The following ABCA6 variants were observed in gnomAD, a reference collection of about 807,000 sequenced individuals.
ABCA6 encodes ATP binding cassette subfamily A member 6, also known as ATP-binding cassette sub-family A member 6.
In ABCA6, 164 loss-of-function variants were observed where a neutral mutation model predicts 191.2. The observed-to-expected ratio is 0.86, with a 90% CI of 0.76 to 0.98. The LOEUF (loss-of-function observed/expected upper bound fraction) is 0.98. Among genes scored for constraint, ABCA6 ranks in the 50% least tolerant of loss-of-function variants. The pLI is 0.00. For synonymous variants in ABCA6, 636 were observed against 647.7 expected (o/e 0.98, Z 0.27); for missense variants, 1,958 against 1,894.1 (o/e 1.03, Z -0.63).
intron 2 of ABCA6, among the ~76,000 whole-genome samples, chr17:69,140,106 A>T (rs1363067606): frequency 6.6e-6 from 1 of 151,574 alleles, no homozygotes; most frequent in Admixed American, 6.6e-5. Flanking sequence ...ATAATAATAA[A>T]AAAATAAAAA....
At chr17:69,097,872 C>T (rs1420537853) in intron 23 of ABCA6, 48 bp downstream of exon 23, 2 of 1,332,842 alleles carry the variant, frequency 1.5e-6, no homozygotes, top group Non-Finnish European at 1.0e-6. Flanking sequence ...ATTCAAAATA[C>T]AGATATTGAA....
At chr17:69,084,584 AT>A in intron 32 of ABCA6, 77 bp from the exon 33 acceptor site, 1 of 1,252,498 alleles carries the variant, frequency 8.0e-7, no homozygotes, top group Non-Finnish European at 1.2e-6. Flanking sequence ...CAGTAACAGC[AT>A]TAGAGGGAAG....
At position 69,091,253 on chromosome 17, in the gene ABCA6, T is replaced by A. The variant is rs568291044; in HGVS notation, c.3418A>T (p.Ile1140Phe). ...TTGATTAAAGTGATGGAAAACATGA[T>A]GGTGGAGGCCTACAAGGCAAGTTCA... ...WSFYFFFAST[I>F]MFSITLINHF... is the part of the protein sequence containing the mutation. Residue 1140 changes from isoleucine to phenylalanine, a missense_variant, in exon 26 of 39, where the codon ATC becomes TTC. By Grantham distance (21) the Ile-to-Phe change is conservative. Coordinates refer to ENST00000284425, the MANE Select transcript of ABCA6 (RefSeq NM_080284.3). 6.2e-7 allele frequency: 1 copy of A among 1,611,040 alleles called. No homozygotes were observed. Among genetic ancestry groups the A allele is most frequent in the East Asian group, 2.2e-5 (1 of 44,820 alleles).
At chr17:69,140,119 A>T (rs1202997326) in intron 2 of ABCA6, among the ~76,000 whole-genome samples, 1 of 152,006 alleles carries the variant, frequency 6.6e-6, no homozygotes, top group East Asian at 1.9e-4. Context: ...AATAAAAAAT[A>T]AAAAAATAAA....
chr17:69,137,209 C>G (rs2073963065), intron 3 of ABCA6, 87 bp downstream of exon 3: 1 of 1,259,056 alleles, frequency 7.9e-7, no homozygotes, highest in Admixed American at 2.1e-5. Flanking sequence ...TAATATATGA[C>G]TTTAACTTCA....
intron 1 of ABCA6, among the ~76,000 whole-genome samples, chr17:69,141,202 T>A (rs8065592): frequency 0.1 from 15,674 of 152,060 alleles, 2,714 homozygotes; most frequent in African/African-American, 0.36. Context: ...ACAACCTCAA[T>A]AAAGTGTTTT....
At position 69,112,185 on chromosome 17, in the gene ABCA6, T is replaced by TCTTTTCCA. The variant is rs770349404; in HGVS notation, c.2129_2130insTGGAAAAG (p.Ser711GlyfsTer16). On this transcript the variant is annotated frameshift_variant, in exon 16 of 39. Transcript: ENST00000284425. LOFTEE classifies it high-confidence loss of function. ...CAATCTATTCCCAAAGTCTTTACCTTAGGTGATATCCAAGACCCCACCTTC... is the reference window on the plus strand; with the variant it reads ...CAATCTATTCCCAAAGTCTTTACCTTCTTTTCCAAGGTGATATCCAAGACCCCACCTTC... The TCTTTTCCA allele has an allele frequency of 6.2e-7, 1 of 1,606,260 alleles. No homozygotes were observed. Among genetic ancestry groups the TCTTTTCCA allele is most frequent in the South Asian group, 1.1e-5 (1 of 90,892 alleles).
chr17:69,129,272 AGC>A lies in ABCA6; in HGVS notation c.933+336_933+337del, dbSNP rs1729890508. On this transcript the variant is annotated intron_variant, in intron 7 of 38. Coordinates refer to ENST00000284425, the MANE Select transcript of ABCA6 (RefSeq NM_080284.3). ...TATTGTGATCAGCTACCATGTGATG[AGC>A]ACCCTTAAGGGAAAAAAAATTGGGT... 2.0e-5 allele frequency among the ~76,000 whole-genome samples: 3 copies of A among 152,178 alleles called. No individual in the cohort carries two copies. The South Asian group carries it at 6.2e-4, about 32-fold the overall frequency.
Position 69,079,723 on chromosome 17 carries a change from A to G in ABCA6, c.4697-458T>C, listed in dbSNP as rs866089631. 1.1e-4 allele frequency among the ~76,000 whole-genome samples: 17 copies of G among 152,322 alleles called. 1 individual carries two copies. In the Middle Eastern group the frequency reaches 0.014, roughly 122 times the overall value. Reference sequence around the variant, plus strand: ...TCACATATCCACATGTGCATACTTCACCATTTATACGCTAAGAATCTGCTA... The same window carrying G: ...TCACATATCCACATGTGCATACTTCGCCATTTATACGCTAAGAATCTGCTA... On this transcript the variant is annotated intron_variant, in intron 37 of 38. Transcript: ENST00000284425.
chr17:69,124,114 T>G (rs1460461787), intron 9 of ABCA6, among the ~76,000 whole-genome samples: 1 of 151,934 alleles, frequency 6.6e-6, no homozygotes, highest in East Asian at 1.9e-4. Flanking sequence ...ATGGAGAAAC[T>G]GTATTTGTTT....
In ABCA6 at chr17:69,134,664, G is replaced by C. The variant is rs752682248; in HGVS notation, c.539C>G (p.Thr180Arg). ...YWNRGFVALQTAINTAIIEIT... is the reference protein window; with the variant it reads ...YWNRGFVALQRAINTAIIEIT... The stretch of plus-strand genomic sequence containing the variant: ...TTCTATAATGGCAGTATTAATAGCT[G>C]TTTGTAAAGCCACAAATCCTCTATT... Residue 180 changes from threonine to arginine, a missense_variant, in exon 5 of 39, where the codon ACA becomes AGA. Transcript: ENST00000284425. 1.2e-6 allele frequency: 2 copies of C among 1,613,340 alleles called. No individual in the cohort carries two copies. Among genetic ancestry groups the C allele is most frequent in the Non-Finnish European group, 1.7e-6 (2 of 1,179,684 alleles).
rs369046481 is a variant in ABCA6, at chr17:69,088,304, T to C, written c.3607-46A>G. On this transcript the variant is annotated intron_variant, in intron 27 of 38. Transcript: ENST00000284425. ...TTATATTTAGGCATAAGTTCACAAATATTATTTAAATATTTGAATTAAGTT... is the reference window on the plus strand; with the variant it reads ...TTATATTTAGGCATAAGTTCACAAACATTATTTAAATATTTGAATTAAGTT... 4.2e-4 allele frequency: 581 copies of C among 1,390,010 alleles called. 3 individuals carry two copies. The Middle Eastern group carries it at 7.6e-3, about 18-fold the overall frequency. 86.1% of individuals were successfully genotyped at this position (1,390,010 alleles called of 1,614,324 possible).
intron 18 of ABCA6, among the ~76,000 whole-genome samples, chr17:69,106,593 G>GA (rs57384424): frequency 0.9 from 91,794 of 102,074 alleles, 41,345 homozygotes; most frequent in East Asian, 0.97. Flanking sequence ...ACTCCATCTC[G>GA]AAAAAAAAAA....
intron 25 of ABCA6, among the ~76,000 whole-genome samples, chr17:69,092,069 T>C (rs1440825150): frequency 6.6e-6 from 1 of 152,226 alleles, no homozygotes; most frequent in African/African-American, 2.4e-5. Context: ...TTTTCTGAGA[T>C]TGTGTATTTT....
chr17:69,136,148 T>C lies in ABCA6; in HGVS notation c.404A>G (p.Tyr135Cys). The change falls in exon 4 of 39, where the codon TAT (tyrosine) becomes TGT (cysteine). Residue 135 changes from tyrosine to cysteine, a missense_variant. Transcript: ENST00000284425. The stretch of plus-strand genomic sequence containing the variant: ...ATATCCCTGGAAAAATATTAACTTA[T>C]AAGAGAAAGTTTCATTAAAGATGAT... ...MGIIFNETFS[Y>C]KLIFFQGYNS... 6.2e-7 allele frequency: 1 copy of C among 1,608,216 alleles called. No homozygotes were observed. Among genetic ancestry groups the C allele is most frequent in the Non-Finnish European group, 8.5e-7 (1 of 1,176,680 alleles).
chr17:69,134,533 G>T, intron 5 of ABCA6, 106 bp downstream of exon 5: 2 of 766,080 alleles, frequency 2.6e-6, no homozygotes, highest in Non-Finnish European at 2.1e-6. Context: ...CAAGTATTTT[G>T]TTGTAGCAGT....
At chr17:69,127,011 C>T (rs1401596365) in intron 8 of ABCA6, among the ~76,000 whole-genome samples, 1 of 152,080 alleles carries the variant, frequency 6.6e-6, no homozygotes, top group African/African-American at 2.4e-5. Flanking sequence ...ACATGATTGG[C>T]TGAGTTACGA....
At chr17:69,098,808 A>G (rs1406973310) in intron 22 of ABCA6, among the ~76,000 whole-genome samples, 1 of 151,834 alleles carries the variant, frequency 6.6e-6, no homozygotes, top group Non-Finnish European at 1.5e-5. Flanking sequence ...GGGATGGGGG[A>G]GGGGGAAAGC....
rs767043474 is a variant in ABCA6, at chr17:69,086,677, C to G, written c.3878G>C (p.Cys1293Ser). ...TATTTTCTTCTTCCTCTTTGAAAAGCAACTTTTCTTCTGGCCTGCATATTC... is the reference window on the plus strand; with the variant it reads ...TATTTTCTTCTTCCTCTTTGAAAAGGAACTTTTCTTCTGGCCTGCATATTC... ...HKEYAGQKKS[C>S]FSKRKKKIAA... The change falls in exon 30 of 39, where the codon TGC (cysteine) becomes TCC (serine). Residue 1293 changes from cysteine to serine, a missense_variant. Transcript: ENST00000284425. 3.7e-6 allele frequency: 6 copies of G among 1,612,722 alleles called. No homozygotes were observed. Among genetic ancestry groups the G allele is most frequent in the Admixed American group, 3.3e-5 (2 of 59,922 alleles).
Sources: allele counts gnomAD v4.1 joint callset (sites outside exome capture counted in the v4.1 genomes callset), GRCh38; gene constraint gnomAD v4.1.1; transcripts MANE v1.5; gene names NCBI Gene and HGNC (gene_info 2026-07-23, HGNC 2026-07-21).